GALNTL6: variants seen among roughly 807,000 people sequenced by gnomAD.
GALNTL6 encodes polypeptide N-acetylgalactosaminyltransferase like 6.
A neutral mutation model predicts 73.7 loss-of-function variants in GALNTL6; 46 were observed. That is an observed-to-expected ratio of 0.62 (90% CI 0.49 to 0.80). The LOEUF (loss-of-function observed/expected upper bound fraction) is 0.80. Ranked by LOEUF, GALNTL6 falls within the 30% of genes least tolerant of loss-of-function variation. The pLI, the probability that GALNTL6 is intolerant of heterozygous loss-of-function variation, is 0.00. For synonymous variants in GALNTL6, 259 were observed against 263.7 expected (o/e 0.98, Z 0.17); for missense variants, 604 against 755.0 (o/e 0.80, Z 2.34).
intron 10 of GALNTL6, among the ~76,000 whole-genome samples, chr4:172,966,468 T>A (rs1443489568): frequency 6.6e-6 from 1 of 151,990 alleles, no homozygotes; most frequent in African/African-American, 2.4e-5. Flanking sequence ...GATCTCGGCT[T>A]ACTGCAACCT....
chr4:172,871,644 GTT>G (rs1491297390), intron 7 of GALNTL6, among the ~76,000 whole-genome samples: 1 of 145,430 alleles, frequency 6.9e-6, no homozygotes, highest in Non-Finnish European at 1.5e-5. Context: ...GTGTGTGTGT[GTT>G]ATATTGTATA....
intron 4 of GALNTL6, among the ~76,000 whole-genome samples, chr4:172,346,369 T>C (rs1403459519): frequency 6.6e-6 from 1 of 152,212 alleles, no homozygotes; most frequent in Non-Finnish European, 1.5e-5. Context: ...TCACACAGGC[T>C]CCTATGTCAT....
rs1384711524 is a variant in GALNTL6, at chr4:172,070,874, T to C, written c.139-158782T>C. On this transcript the variant is annotated intron_variant, in intron 2 of 12. Coordinates refer to ENST00000506823, the MANE Select transcript of GALNTL6 (RefSeq NM_001034845.3). The stretch of plus-strand genomic sequence containing the variant: ...TGGAAAACAAGTTTGATATATGCTT[T>C]GCTATGGTGACTATAGAATAATATT... Among the ~76,000 whole-genome samples the C allele has an allele frequency of 6.4e-5, 7 of 109,302 alleles. 2 individuals carry two copies. Among genetic ancestry groups the C allele is most frequent in the Non-Finnish European group, 4.1e-5 (2 of 49,342 alleles). 71.7% of individuals were successfully genotyped at this position (109,302 alleles called of 152,430 possible). A position where few individuals can be genotyped will look rare whatever the true frequency, so the allele number is the denominator to read the frequency against.
intron 5 of GALNTL6, among the ~76,000 whole-genome samples, chr4:172,690,377 C>T (rs1434500542): frequency 6.6e-6 from 1 of 152,102 alleles, no homozygotes; most frequent in Non-Finnish European, 1.5e-5. Context: ...GATTTTAGTA[C>T]CTCTTATATT....
intron 5 of GALNTL6, among the ~76,000 whole-genome samples, chr4:172,703,004 A>G (rs892500886): frequency 7.9e-5 from 12 of 151,872 alleles, no homozygotes; most frequent in African/African-American, 2.2e-4. Flanking sequence ...CAACCAAATC[A>G]TTTTCAAGGA....
At chr4:172,192,447 G>A (rs1735616801) in intron 2 of GALNTL6, among the ~76,000 whole-genome samples, 1 of 151,950 alleles carries the variant, frequency 6.6e-6, no homozygotes, top group Non-Finnish European at 1.5e-5. Context: ...AACGAAAACG[G>A]CAAGTGAATC....
chr4:171,959,677 C>G (rs910014216), intron 2 of GALNTL6, among the ~76,000 whole-genome samples: 5 of 151,970 alleles, frequency 3.3e-5, no homozygotes, highest in African/African-American at 1.2e-4. Flanking sequence ...ACAGGGAGAC[C>G]CTATGTAAAG....
intron 2 of GALNTL6, among the ~76,000 whole-genome samples, chr4:172,180,641 C>T (rs189020145): frequency 5.9e-5 from 9 of 152,072 alleles, no homozygotes; most frequent in East Asian, 3.9e-4. Context: ...TGTAAGGAAG[C>T]GGTCCAGTTT....
chr4:172,338,568 T>G (rs2111195786), intron 4 of GALNTL6, among the ~76,000 whole-genome samples: 1 of 152,282 alleles, frequency 6.6e-6, no homozygotes, highest in East Asian at 1.9e-4. Flanking sequence ...TGGTTTTATA[T>G]TGGGCCATGC....
intron 5 of GALNTL6, among the ~76,000 whole-genome samples, chr4:172,733,828 T>G (rs1736296694): frequency 6.6e-6 from 1 of 152,144 alleles, no homozygotes; most frequent in Admixed American, 6.5e-5. Context: ...AGTATAAAAA[T>G]GGACTAATAC....
At chr4:172,307,936 C>T (rs1740202359) in intron 3 of GALNTL6, among the ~76,000 whole-genome samples, 1 of 138,138 alleles carries the variant, frequency 7.2e-6, no homozygotes, top group African/African-American at 2.7e-5. Flanking sequence ...GTATAGATTG[C>T]TTTTGGTAGT....
chr4:172,077,579 A>G (rs192452471), intron 2 of GALNTL6, among the ~76,000 whole-genome samples: 68 of 152,284 alleles, frequency 4.5e-4, no homozygotes, highest in African/African-American at 1.5e-3. Flanking sequence ...GAGGTGACCC[A>G]GCTGTTTCTA....
At chr4:172,298,527 C>T (rs1033786788) in intron 3 of GALNTL6, among the ~76,000 whole-genome samples, 3 of 152,120 alleles carry the variant, frequency 2.0e-5, no homozygotes, top group African/African-American at 7.2e-5. Flanking sequence ...AGATACGTAC[C>T]ATCAATACCT....
intron 5 of GALNTL6, among the ~76,000 whole-genome samples, chr4:172,757,001 C>G (rs1710243907): frequency 6.6e-6 from 1 of 152,104 alleles, no homozygotes; most frequent in Admixed American, 6.5e-5. Context: ...TGCATTTTAT[C>G]TGATGTTCTT....
chr4:172,206,297 G>A (rs1386892117), intron 2 of GALNTL6, among the ~76,000 whole-genome samples: 2 of 152,108 alleles, frequency 1.3e-5, no homozygotes, highest in Admixed American at 6.5e-5. Flanking sequence ...TCCAAATTAT[G>A]TGGATACAGG....
chr4:173,020,887 A>G (rs953410406), intron 11 of GALNTL6, among the ~76,000 whole-genome samples: 1 of 152,186 alleles, frequency 6.6e-6, no homozygotes, highest in Non-Finnish European at 1.5e-5. Flanking sequence ...AGCCTAGCCA[A>G]CATGGTGAAA....
At chr4:172,481,993 A>T (rs998484983) in intron 5 of GALNTL6, among the ~76,000 whole-genome samples, 1 of 152,162 alleles carries the variant, frequency 6.6e-6, no homozygotes, top group Non-Finnish European at 1.5e-5. Flanking sequence ...GGGCTCAGAC[A>T]TGGTGGGCTG....
intron 2 of GALNTL6, among the ~76,000 whole-genome samples, chr4:172,101,865 AAG>A (rs1344783706): frequency 6.6e-6 from 1 of 152,056 alleles, no homozygotes; most frequent in Non-Finnish European, 1.5e-5. Context: ...AAGTATTTTA[AAG>A]TGAGTTGAAA....
intron 2 of GALNTL6, among the ~76,000 whole-genome samples, chr4:171,949,191 G>A (rs779413886): frequency 1.3e-5 from 2 of 152,092 alleles, no homozygotes; most frequent in Admixed American, 6.5e-5. Flanking sequence ...GCCAGGCTCT[G>A]CCCAGCATTG....
Sources: gnomAD v4.1 joint callset for allele counts (sites outside exome capture counted in the v4.1 genomes callset) on GRCh38, gnomAD v4.1.1 for gene constraint, MANE v1.5 for transcripts, NCBI Gene and HGNC (gene_info 2026-07-23, HGNC 2026-07-21) for gene names.